SCARB1: variants seen among roughly 807,000 people sequenced by gnomAD.
The protein encoded by SCARB1 is CD36 and LIMPII analogous 1.
In SCARB1, 30 loss-of-function variants were observed where a neutral mutation model predicts 57.2. That is an observed-to-expected ratio of 0.52 (90% CI 0.39 to 0.71). The LOEUF is 0.71. Ranked by LOEUF, SCARB1 falls within the 30% of genes least tolerant of loss-of-function variation. The pLI is 0.00. For missense variants in SCARB1, 543 were observed against 671.2 expected (o/e 0.81, Z 2.11); for synonymous variants, 249 against 268.3 (o/e 0.93, Z 0.70).
intron 6 of SCARB1, among the ~76,000 whole-genome samples, chr12:124,808,473 G>A (rs1182821391): frequency 5.9e-5 from 9 of 152,136 alleles, no homozygotes; most frequent in Admixed American, 5.9e-4. Flanking sequence ...CCTCCCTGCA[G>A]TTCCTAAGCA....
At chr12:124,791,330 G>A (rs1310671467) in intron 9 of SCARB1, among the ~76,000 whole-genome samples, 2 of 152,160 alleles carry the variant, frequency 1.3e-5, no homozygotes, top group Non-Finnish European at 2.9e-5. Flanking sequence ...AGCCTGCGGT[G>A]GCCTTGGGAC....
intron 1 of SCARB1, among the ~76,000 whole-genome samples, chr12:124,843,253 A>G (rs1477971303): frequency 1.5e-5 from 2 of 137,686 alleles, no homozygotes; most frequent in Non-Finnish European, 3.1e-5. Context: ...CTTGGCCTCC[A>G]GTTTGTTTTG....
At chr12:124,804,165 C>T (rs1716815876) in intron 7 of SCARB1, among the ~76,000 whole-genome samples, 1 of 152,178 alleles carries the variant, frequency 6.6e-6, no homozygotes, top group African/African-American at 2.4e-5. Context: ...TAGTCCACCT[C>T]GGCTACTGTG....
intron 1 of SCARB1, among the ~76,000 whole-genome samples, chr12:124,834,965 G>A (rs1166784773): frequency 6.6e-6 from 1 of 152,214 alleles, no homozygotes; most frequent in African/African-American, 2.4e-5. Context: ...TTGGGAACTC[G>A]ATAAAAAAGC....
chr12:124,788,368 T>C (rs1196351086), intron 9 of SCARB1, among the ~76,000 whole-genome samples: 2 of 152,222 alleles, frequency 1.3e-5, no homozygotes, highest in Non-Finnish European at 2.9e-5. Flanking sequence ...TCAGCCTCTC[T>C]TGTGGCAAGT....
intron 1 of SCARB1, chr12:124,821,552 C>T (rs979615387): frequency 2.0e-6 from 2 of 985,226 alleles, no homozygotes; most frequent in Non-Finnish European, 2.4e-6. Context: ...TTCAGCACTG[C>T]CCAAAGGGAA....
chr12:124,816,026 T>C (rs893272042), intron 2 of SCARB1, among the ~76,000 whole-genome samples: 22 of 149,774 alleles, frequency 1.5e-4, no homozygotes, highest in African/African-American at 5.4e-4. Context: ...CGCACAGGCC[T>C]CTGTCCCAGC....
At chr12:124,837,554 A>G (rs139151795) in intron 1 of SCARB1, among the ~76,000 whole-genome samples, 4 of 14,576 alleles carry the variant, frequency 2.7e-4, no homozygotes, top group Admixed American at 9.1e-4. Context: ...AAAAGAAAAG[A>G]AAAGAAAAGA....
chr12:124,834,565 A>T (rs1951548339), intron 1 of SCARB1, among the ~76,000 whole-genome samples: 1 of 152,158 alleles, frequency 6.6e-6, no homozygotes, highest in African/African-American at 2.4e-5. Flanking sequence ...CTTTTGCTTT[A>T]TCATTGTGGT....
chr12:124,778,557 G>A lies in SCARB1; in HGVS notation c.*30C>T. ...GGGGCCGGTCAGGCCCAGCGGCCAG[G>A]CCTGGCTGGCTCACGGTGTCCTCAG... On this transcript the variant is annotated 3_prime_UTR_variant, in exon 13 of 13. Coordinates refer to ENST00000261693, the MANE Select transcript of SCARB1 (RefSeq NM_005505.5). 2 of 1,391,934 alleles carry A rather than the reference G, an allele frequency of 1.4e-6. No individual in the cohort carries two copies. Among genetic ancestry groups the A allele is most frequent in the East Asian group, 3.1e-5 (1 of 32,526 alleles). The allele number at this position is 1,391,934 out of a possible 1,614,324, so 86.2% of individuals were successfully genotyped here.
At chr12:124,833,545 T>G (rs1285485155) in intron 1 of SCARB1, among the ~76,000 whole-genome samples, 21 of 152,072 alleles carry the variant, frequency 1.4e-4, no homozygotes, top group Admixed American at 1.4e-3. Context: ...AGGTCACATA[T>G]TCACAGGTCC....
Position 124,817,017 on chromosome 12 carries a change from T to C in SCARB1, c.284+533A>G, listed in dbSNP as rs1470106569. 8.3e-6 allele frequency among the ~76,000 whole-genome samples: 1 copy of C among 120,096 alleles called. No individual in the cohort carries two copies. Among genetic ancestry groups the C allele is most frequent in the Non-Finnish European group, 1.7e-5 (1 of 57,580 alleles). 78.8% of individuals were successfully genotyped at this position (120,096 alleles called of 152,430 possible). Reference sequence around the variant, plus strand: ...GGGGGTCGGTCCCTGCTCCTGGTCATGCATGTGTGTGTGTGTGTGTGTGTG... The same window carrying C: ...GGGGGTCGGTCCCTGCTCCTGGTCACGCATGTGTGTGTGTGTGTGTGTGTG... On this transcript the variant is annotated intron_variant, in intron 2 of 12. Coordinates refer to ENST00000261693, the MANE Select transcript of SCARB1 (RefSeq NM_005505.5). This position sits in a 1 kb window ranked among gnomAD's most constrained non-coding sequence, Gnocchi z 4.8.
At position 124,814,069 on chromosome 12, in the gene SCARB1, TCA is replaced by T; in HGVS notation, c.630+131_630+132del. ...ACTCAAGCCGGTTTGAGTCAGGTTC[TCA>T]GTCACTTACAACCCACAGCCACTAG... On this transcript the variant is annotated intron_variant, in intron 4 of 12. Transcript: ENST00000261693. This position sits in a 1 kb window ranked among gnomAD's most constrained non-coding sequence, Gnocchi z 4.7. The T allele has an allele frequency of 1.2e-6, 1 of 846,758 alleles. No homozygotes were observed. Among genetic ancestry groups the T allele is most frequent in the East Asian group, 2.4e-5 (1 of 41,176 alleles). 52.5% of individuals were successfully genotyped at this position (846,758 alleles called of 1,614,324 possible).
rs1006322100 is a variant in SCARB1, at chr12:124,796,525, C to G, written c.1129-1257G>C. Among the ~76,000 whole-genome samples the G allele has an allele frequency of 6.6e-6, 1 of 152,172 alleles. No homozygotes were observed. The highest frequency in any genetic ancestry group is 1.5e-5 in the Non-Finnish European group (1 of 68,042). On this transcript the variant is annotated intron_variant, in intron 8 of 12. Coordinates refer to ENST00000261693, the MANE Select transcript of SCARB1 (RefSeq NM_005505.5). This position sits in a 1 kb window ranked among gnomAD's most constrained non-coding sequence, Gnocchi z 4.0. ...TAAAACTAGATTTGAGGTCAGAGAA[C>G]TGCAGTTGGTTCTTCTTAACTGAGA...
At chr12:124,825,331 C>T (rs1165354950) in intron 1 of SCARB1, among the ~76,000 whole-genome samples, 1 of 150,644 alleles carries the variant, frequency 6.6e-6, no homozygotes, top group Non-Finnish European at 1.5e-5. Flanking sequence ...TAGAAAGATT[C>T]TCCTAAGTGT....
At position 124,863,408 on chromosome 12, in the gene SCARB1, G is replaced by A. The variant is rs554354432; in HGVS notation, c.126+187C>T. On this transcript the variant is annotated intron_variant, in intron 1 of 12. Transcript: ENST00000261693. Reference sequence around the variant, plus strand: ...CCCCCTAGCCTCAGTCTGGGGCGGTGAGGGTGGTGGGGAGGCGGGCAGCAG... The same window carrying A: ...CCCCCTAGCCTCAGTCTGGGGCGGTAAGGGTGGTGGGGAGGCGGGCAGCAG... Among the ~76,000 whole-genome samples the A allele has an allele frequency of 2.0e-5, 3 of 152,302 alleles. No individual in the cohort carries two copies. In the South Asian group the frequency reaches 6.2e-4, roughly 32 times the overall value.
At chr12:124,821,154 C>T (rs1157560339) in intron 1 of SCARB1, among the ~76,000 whole-genome samples, 1 of 151,978 alleles carries the variant, frequency 6.6e-6, no homozygotes, top group Non-Finnish European at 1.5e-5. Flanking sequence ...GGGAGGATGA[C>T]TTGAGCCCAG....
At chr12:124,834,645 C>T (rs937604359) in intron 1 of SCARB1, among the ~76,000 whole-genome samples, 6 of 152,210 alleles carry the variant, frequency 3.9e-5, no homozygotes, top group African/African-American at 9.6e-5. Flanking sequence ...TGGTGGCTCA[C>T]GCCTGTAATC....
At chr12:124,815,231 G>C (rs1448069588) in intron 2 of SCARB1, 117 bp from the exon 3 acceptor site, 2 of 1,173,176 alleles carry the variant, frequency 1.7e-6, no homozygotes, top group Non-Finnish European at 2.5e-6. Flanking sequence ...GCACACCTCC[G>C]GCCCCACAGC....
Sources: allele counts gnomAD v4.1 joint callset (sites outside exome capture counted in the v4.1 genomes callset), GRCh38; gene constraint gnomAD v4.1.1; non-coding constraint Gnocchi (gnomAD v3.1); transcripts MANE v1.5; gene names NCBI Gene and HGNC (gene_info 2026-07-23, HGNC 2026-07-21).